SAMD3: variants seen among roughly 807,000 people sequenced by gnomAD.
SAMD3 encodes the protein sterile alpha motif domain-containing protein 3.
In SAMD3, 63 loss-of-function variants were observed where a neutral mutation model predicts 58.5. The observed-to-expected ratio is 1.08, with a 90% CI of 0.88 to 1.33. The LOEUF is 1.33. SAMD3 is among the 40% of genes most tolerant of loss of function. The probability of loss-of-function intolerance (pLI) is 0.00; values close to 1 mark genes in which losing one functional copy is unlikely to be tolerated. For missense variants in SAMD3, 604 were observed against 608.4 expected (o/e 0.99, Z 0.08); for synonymous variants, 220 against 210.3 (o/e 1.05, Z -0.40).
intron 9 of SAMD3, among the ~76,000 whole-genome samples, chr6:130,150,244 A>C (rs899278878): frequency 3.3e-5 from 5 of 152,132 alleles, no homozygotes; most frequent in African/African-American, 7.2e-5. Context: ...AGACTGGTGG[A>C]GTGGCCTGTT....
At chr6:130,218,377 C>A (rs995398500) in intron 1 of SAMD3, among the ~76,000 whole-genome samples, 25 of 152,158 alleles carry the variant, frequency 1.6e-4, no homozygotes, top group Admixed American at 1.0e-3. Flanking sequence ...TCTCCGGGGA[C>A]CTGTTTATAC....
At chr6:130,220,590 A>G (rs1796180178) in intron 1 of SAMD3, among the ~76,000 whole-genome samples, 1 of 152,260 alleles carries the variant, frequency 6.6e-6, no homozygotes, top group Non-Finnish European at 1.5e-5. Flanking sequence ...AAGTCTTGAT[A>G]GTTTGAAGAT....
At chr6:130,273,073 T>A (rs1774625199) in intron 2 of SAMD3, among the ~76,000 whole-genome samples, 1 of 151,942 alleles carries the variant, frequency 6.6e-6, no homozygotes, top group Non-Finnish European at 1.5e-5. Flanking sequence ...TTCTTTTTTT[T>A]TAATTTTATT....
chr6:130,147,098 T>C (rs1197199923), intron 9 of SAMD3, among the ~76,000 whole-genome samples: 1 of 152,098 alleles, frequency 6.6e-6, no homozygotes, highest in Non-Finnish European at 1.5e-5. Context: ...CCTGAACTCT[T>C]CCCCCTCAGA....
intron 1 of SAMD3, among the ~76,000 whole-genome samples, chr6:130,314,288 C>G (rs528009060): frequency 6.6e-6 from 1 of 152,240 alleles, no homozygotes; most frequent in South Asian, 2.1e-4. Context: ...ACATTTGAAA[C>G]TAACAATATA....
At chr6:130,191,056 T>A (rs1026076982) in intron 5 of SAMD3, among the ~76,000 whole-genome samples, 1 of 151,672 alleles carries the variant, frequency 6.6e-6, no homozygotes, top group African/African-American at 2.4e-5. Flanking sequence ...TACTTGACCA[T>A]ACTAGATATC....
chr6:130,250,623 A>G (rs887145566), intron 2 of SAMD3, among the ~76,000 whole-genome samples: 9 of 152,152 alleles, frequency 5.9e-5, no homozygotes, highest in Admixed American at 5.9e-4. Flanking sequence ...CCAAGCAACC[A>G]CTAATCTGCC....
rs1486918611 is a variant in SAMD3, at chr6:130,333,356, C to T, written c.-303-20263G>A. 9.9e-5 allele frequency among the ~76,000 whole-genome samples: 15 copies of T among 152,120 alleles called. 1 individual carries two copies. The highest frequency in any genetic ancestry group is 1.5e-5 in the Non-Finnish European group (1 of 68,030). ...AAGATTTAGACTTTTGACTTTGACC[C>T]ACAACCACCCATGTCCCTTTGTGCT... is the stretch of plus-strand genomic sequence containing the variant. On this transcript the variant is annotated intron_variant, in intron 1 of 13. Coordinates refer to the SAMD3 transcript ENST00000368134.
intron 2 of SAMD3, among the ~76,000 whole-genome samples, chr6:130,237,315 C>T (rs892802336): frequency 6.6e-6 from 1 of 151,904 alleles, no homozygotes; most frequent in African/African-American, 2.4e-5. Flanking sequence ...GCATTACAGC[C>T]CCCCTCCACT....
At chr6:130,258,501 T>C (rs1366760790) in intron 2 of SAMD3, among the ~76,000 whole-genome samples, 3 of 152,326 alleles carry the variant, frequency 2.0e-5, no homozygotes, top group East Asian at 1.9e-4. Flanking sequence ...ATTAACATTA[T>C]TGAGGTAAAA....
chr6:130,346,407 G>A (rs1777453811), intron 1 of SAMD3, among the ~76,000 whole-genome samples: 1 of 152,172 alleles, frequency 6.6e-6, no homozygotes, highest in Non-Finnish European at 1.5e-5. Context: ...TTAGCAAACG[G>A]CACACCAGGA....
chr6:130,352,433 T>C (rs1777703617), intron 1 of SAMD3, among the ~76,000 whole-genome samples: 1 of 152,112 alleles, frequency 6.6e-6, no homozygotes, highest in Admixed American at 6.6e-5. Context: ...CGACTTTTCT[T>C]ACTATCAATA....
At chr6:130,166,074 G>T (rs1790713674) in intron 8 of SAMD3, among the ~76,000 whole-genome samples, 1 of 152,166 alleles carries the variant, frequency 6.6e-6, no homozygotes, top group Admixed American at 6.5e-5. Context: ...TTGTCCTGGT[G>T]CTCCCTGTGC....
At chr6:130,167,224 C>T (rs34102803) in intron 8 of SAMD3, among the ~76,000 whole-genome samples, 5,843 of 152,240 alleles carry the variant, frequency 0.038, 160 homozygotes, top group Non-Finnish European at 0.06. Flanking sequence ...ATCAAATATA[C>T]ATGAACCCCA....
At chr6:130,352,736 C>T (rs1188336986) in intron 1 of SAMD3, among the ~76,000 whole-genome samples, 1 of 152,124 alleles carries the variant, frequency 6.6e-6, no homozygotes, top group Non-Finnish European at 1.5e-5. Context: ...GAAAAGAACT[C>T]ACAGTTTCTA....
intron 1 of SAMD3, among the ~76,000 whole-genome samples, chr6:130,354,535 G>T (rs1777770741): frequency 6.6e-6 from 1 of 152,120 alleles, no homozygotes; most frequent in Non-Finnish European, 1.5e-5. Context: ...AACATGGATG[G>T]GGCAGGAGGC....
intron 2 of SAMD3, among the ~76,000 whole-genome samples, chr6:130,236,045 T>A (rs1358739855): frequency 6.6e-6 from 1 of 152,202 alleles, no homozygotes; most frequent in African/African-American, 2.4e-5. Context: ...ATCATTAGAT[T>A]TTAATAATAC....
intron 1 of SAMD3, among the ~76,000 whole-genome samples, chr6:130,324,971 C>A (rs951035158): frequency 1.3e-5 from 2 of 152,042 alleles, no homozygotes; most frequent in African/African-American, 4.8e-5. Flanking sequence ...ATAAGTTTGT[C>A]ATTTTAAATT....
intron 2 of SAMD3, among the ~76,000 whole-genome samples, chr6:130,264,817 T>C (rs1774279047): frequency 6.6e-6 from 1 of 152,016 alleles, no homozygotes; most frequent in Non-Finnish European, 1.5e-5. Context: ...GTCCTGGGGC[T>C]ACCTGACCTG....
Sources: gnomAD v4.1 joint callset for allele counts (sites outside exome capture counted in the v4.1 genomes callset) on GRCh38, gnomAD v4.1.1 for gene constraint, MANE v1.5 for transcripts, NCBI Gene and HGNC (gene_info 2026-07-23, HGNC 2026-07-21) for gene names.